EFCAB6: variants seen among roughly 807,000 people sequenced by gnomAD.
The protein encoded by EFCAB6 is EF-hand calcium binding domain 6.
Under a neutral mutation model 169.8 loss-of-function variants are expected in EFCAB6, and 156 were observed. The ratio of observed to expected loss-of-function variants is 0.92; its 90% CI spans 0.81 to 1.05. EFCAB6 has a LOEUF of 1.05. EFCAB6 is among the 50% of genes least tolerant of loss of function. The pLI, the probability that EFCAB6 is intolerant of heterozygous loss-of-function variation, is 0.00. For missense variants in EFCAB6, 1,800 were observed against 1,829.1 expected, an observed-to-expected ratio of 0.98 and a Z score of 0.29; for synonymous variants, 698 against 676.4, an observed-to-expected ratio of 1.03 and a Z score of -0.50.
chr22:43,743,427 G>A (rs947166421), intron 6 of EFCAB6, among the ~76,000 whole-genome samples: 1 of 152,198 alleles, frequency 6.6e-6, no homozygotes, highest in Non-Finnish European at 1.5e-5. Context: ...CTGAAATGAG[G>A]CTTCAAATCC....
rs547502331 is a variant in EFCAB6 at position 43,618,227 on chromosome 22, A to G, written c.2466-2305T>C. Among the ~76,000 whole-genome samples the G allele has an allele frequency of 1.4e-3, 203 of 150,046 alleles. 1 individual carries two copies. Among genetic ancestry groups the G allele is most frequent in the African/African-American group, 4.5e-3 (185 of 41,166 alleles). ...GAAAGAAAGAAAGAAAGAAAGAGAA[A>G]GAAAGAAAGAGAGAGAAAGAGAAAG... On this transcript the variant is annotated intron_variant, in intron 20 of 31. Coordinates refer to ENST00000262726, the MANE Select transcript of EFCAB6 (RefSeq NM_022785.4).
intron 20 of EFCAB6, among the ~76,000 whole-genome samples, chr22:43,626,116 TATG>T (rs1362895436): frequency 6.6e-6 from 1 of 152,216 alleles, no homozygotes; most frequent in African/African-American, 2.4e-5. Flanking sequence ...TATGTAAGTA[TATG>T]TATATGAAAA....
At chr22:43,586,607 T>A (rs1220824795) in intron 24 of EFCAB6, among the ~76,000 whole-genome samples, 1 of 151,990 alleles carries the variant, frequency 6.6e-6, no homozygotes, top group East Asian at 1.9e-4. Context: ...AGGGTAAAAG[T>A]GTATGAGAAT....
At chr22:43,644,212 A>G (rs535194874) in intron 17 of EFCAB6, among the ~76,000 whole-genome samples, 12 of 152,204 alleles carry the variant, frequency 7.9e-5, no homozygotes, top group Middle Eastern at 6.8e-3. Context: ...GAGCTGCCCT[A>G]GGCAAGCTCT....
At chr22:43,668,078 T>G (rs2057340775) in intron 16 of EFCAB6, among the ~76,000 whole-genome samples, 1 of 152,238 alleles carries the variant, frequency 6.6e-6, no homozygotes, top group South Asian at 2.1e-4. Flanking sequence ...CATGGAATAT[T>G]TAACCCGTCT....
At position 43,755,802 on chromosome 22, in the gene EFCAB6, G is replaced by A. The variant is rs143728597; in HGVS notation, c.471C>T (p.Arg157=). The change falls in exon 6 of 32, where the codon CGC becomes CGT. Residue 157 remains arginine (R), a synonymous_variant. Transcript: ENST00000262726. ...CTTGGATTTCAAGTTCTCTTAATGT[G>A]CGGCAGCAATTCATTTCATTCCCAC... is the stretch of plus-strand genomic sequence containing the variant. ...RGGGNEMNCC[R]TLRELEIQVG... is the part of the protein sequence containing the mutation. 507 of 1,605,298 alleles carry A rather than the reference G, an allele frequency of 3.2e-4. No individual in the cohort carries two copies. Among genetic ancestry groups the A allele is most frequent in the Middle Eastern group, 5.0e-4 (3 of 6,050 alleles).
At chr22:43,550,682 A>AG (rs976383942) in intron 27 of EFCAB6, among the ~76,000 whole-genome samples, 4 of 152,090 alleles carry the variant, frequency 2.6e-5, no homozygotes, top group African/African-American at 9.7e-5. Context: ...AAAAAAAAAA[A>AG]AAAAAAAGTT....
intron 5 of EFCAB6, among the ~76,000 whole-genome samples, chr22:43,765,075 T>G (rs1247491007): frequency 6.6e-6 from 1 of 152,196 alleles, no homozygotes; most frequent in African/African-American, 2.4e-5. Context: ...GTGTTTACAT[T>G]TTATTACAGT....
At chr22:43,665,603 G>A (rs768944203) in intron 17 of EFCAB6, among the ~76,000 whole-genome samples, 1 of 152,180 alleles carries the variant, frequency 6.6e-6, no homozygotes, top group South Asian at 2.1e-4. Context: ...GGCCCTGCAC[G>A]GGCAGGGATG....
intron 13 of EFCAB6, among the ~76,000 whole-genome samples, 165 bp downstream of exon 13, chr22:43,677,830 TA>T (rs1300019068): frequency 6.6e-6 from 1 of 151,926 alleles, no homozygotes; most frequent in East Asian, 1.9e-4. Context: ...AACTAAAAGT[TA>T]AAATCAAAGT....
chr22:43,576,573 G>A (rs764511557), intron 25 of EFCAB6, 85 bp from the exon 26 acceptor site: 10 of 1,160,318 alleles, frequency 8.6e-6, no homozygotes, highest in Non-Finnish European at 1.2e-5. Flanking sequence ...TGTTTCTGCT[G>A]AATGCAAATG....
chr22:43,801,810 C>T (rs531190318), intron 2 of EFCAB6, among the ~76,000 whole-genome samples: 4 of 151,954 alleles, frequency 2.6e-5, no homozygotes, highest in Admixed American at 1.3e-4. Flanking sequence ...AAGGAAGGGA[C>T]GACTTAAAAC....
chr22:43,675,018 G>A (rs1279636995), intron 13 of EFCAB6, among the ~76,000 whole-genome samples: 1 of 151,794 alleles, frequency 6.6e-6, no homozygotes, highest in Non-Finnish European at 1.5e-5. Context: ...GTTCACACAC[G>A]CATCTACTAC....
intron 10 of EFCAB6, among the ~76,000 whole-genome samples, chr22:43,706,176 C>T (rs1354982637): frequency 2.0e-5 from 3 of 152,168 alleles, no homozygotes; most frequent in Non-Finnish European, 2.9e-5. Flanking sequence ...TTTTTAACTG[C>T]CAACTCGGCT....
chr22:43,528,957 T>C lies in EFCAB6; in HGVS notation c.4402A>G (p.Ile1468Val), dbSNP rs1340535756. ...DFRTVLRQYS[I>V]NLSEEEFFHI... ...AAGAACTCTTCCTCAGAGAGGTTGATGCTGTACTGTCTCAGGACCTGGAAG... is the reference window on the plus strand; with the variant it reads ...AAGAACTCTTCCTCAGAGAGGTTGACGCTGTACTGTCTCAGGACCTGGAAG... The change falls in exon 32 of 32, where the codon ATC becomes GTC. Residue 1468 changes from isoleucine (I) to valine (V), a missense_variant. By Grantham distance (29) the Ile-to-Val change is conservative. Transcript: ENST00000262726. The C allele has an allele frequency of 5.0e-6, 8 of 1,595,792 alleles. No individual in the cohort carries two copies. The East Asian group carries it at 1.6e-4, about 31-fold the overall frequency.
At chr22:43,704,990 C>T (rs1485802331) in intron 10 of EFCAB6, among the ~76,000 whole-genome samples, 1 of 151,964 alleles carries the variant, frequency 6.6e-6, no homozygotes, top group Non-Finnish European at 1.5e-5. Flanking sequence ...AGGAGACTTG[C>T]CTCACTTTTA....
At chr22:43,646,271 C>A (rs891360839) in intron 17 of EFCAB6, among the ~76,000 whole-genome samples, 1 of 152,168 alleles carries the variant, frequency 6.6e-6, no homozygotes, top group Non-Finnish European at 1.5e-5. Flanking sequence ...AGCCTCTGCA[C>A]GCCTTTATGT....
intron 2 of EFCAB6, among the ~76,000 whole-genome samples, chr22:43,784,543 GTATA>G (rs767229476): frequency 4.8e-4 from 36 of 75,494 alleles, no homozygotes; most frequent in African/African-American, 6.7e-4. Context: ...GTGTGTGTGT[GTATA>G]TGTATATATA....
intron 17 of EFCAB6, among the ~76,000 whole-genome samples, chr22:43,639,514 C>T (rs752063319): frequency 6.6e-6 from 1 of 152,178 alleles, no homozygotes; most frequent in Non-Finnish European, 1.5e-5. Flanking sequence ...TGGTGTGAGG[C>T]CAATGGTAAT....
Sources: allele counts gnomAD v4.1 joint callset (sites outside exome capture counted in the v4.1 genomes callset), GRCh38; gene constraint gnomAD v4.1.1; transcripts MANE v1.5; gene names NCBI Gene and HGNC (gene_info 2026-07-23, HGNC 2026-07-21).